COL5A2: variants seen among roughly 807,000 people sequenced by gnomAD.
COL5A2 encodes the protein collagen type V alpha 2 chain, also known as collagen alpha-2(V) chain.
In COL5A2, 23 loss-of-function variants were observed where a neutral mutation model predicts 208.2. The ratio of observed to expected loss-of-function variants is 0.11; its 90% CI spans 0.08 to 0.16. COL5A2 has a LOEUF of 0.16. Among genes scored for constraint, COL5A2 ranks in the 10% least tolerant of loss-of-function variants. The pLI is 1.00. For missense variants in COL5A2, 1,590 were observed against 1,956.4 expected (o/e 0.81, Z 3.53); for synonymous variants, 625 against 628.5 (o/e 0.99, Z 0.08).
At chr2:189,366,117 T>G in the COL5A2 span, among the ~76,000 whole-genome samples, 2 of 152,152 alleles carry the variant, frequency 1.3e-5, no homozygotes, top group Non-Finnish European at 2.9e-5. Context: ...AGATCTTGTA[T>G]AGCACCATCA....
chr2:189,229,856 AC>A (rs1689459159), upstream of COL5A2, among the ~76,000 whole-genome samples: 1 of 151,768 alleles, frequency 6.6e-6, no homozygotes, highest in Non-Finnish European at 1.5e-5. Context: ...AGCCACAAAG[AC>A]CCCAACTGGC....
chr2:189,317,046 A>G, the COL5A2 span, among the ~76,000 whole-genome samples: 1 of 152,080 alleles, frequency 6.6e-6, no homozygotes, highest in Non-Finnish European at 1.5e-5. Context: ...TTAACAAGAA[A>G]ATAAAAGCGT....
At position 189,035,170 on chromosome 2, in the gene COL5A2, A is replaced by G; in HGVS notation, c.4114-15T>C. ...CCATAAGCGAACTAGAAAAACAAAG[A>G]GTCTTTGTCATACACAAGACTGAAG... On this transcript the variant is annotated splice_polypyrimidine_tract_variant and intron_variant, in intron 52 of 53. Transcript: ENST00000374866. 6.2e-7 allele frequency: 1 copy of G among 1,613,792 alleles called. No homozygotes were observed. Among genetic ancestry groups the G allele is most frequent in the Non-Finnish European group, 8.5e-7 (1 of 1,179,780 alleles).
chr2:189,350,956 T>C, the COL5A2 span, among the ~76,000 whole-genome samples: 7 of 152,332 alleles, frequency 4.6e-5, no homozygotes, highest in African/African-American at 1.4e-4. Flanking sequence ...CTTTCTGTGA[T>C]GTCTCAGAAA....
the COL5A2 span, among the ~76,000 whole-genome samples, chr2:189,414,905 C>T: frequency 2.0e-5 from 3 of 151,984 alleles, no homozygotes; most frequent in Admixed American, 6.5e-5. Flanking sequence ...TCATAGGCAG[C>T]GCTTCCTCCA....
chr2:189,392,280 T>C, the COL5A2 span, among the ~76,000 whole-genome samples: 1 of 152,126 alleles, frequency 6.6e-6, no homozygotes, highest in African/African-American at 2.4e-5. Context: ...TAATAGATTT[T>C]GGACTCAACC....
the COL5A2 span, among the ~76,000 whole-genome samples, chr2:189,378,329 A>AT: frequency 8.5e-5 from 13 of 152,244 alleles, no homozygotes; most frequent in African/African-American, 3.1e-4. Flanking sequence ...TTGTAAGAGC[A>AT]ACATAGATGC....
Position 189,072,044 on chromosome 2 carries a change from A to G in COL5A2, c.1154T>C (p.Met385Thr). The change falls in exon 18 of 54, where the codon ATG becomes ACG. Residue 385 changes from methionine (M) to threonine (T), a missense_variant. By Grantham distance (81) the Met-to-Thr change is moderately conservative. Transcript: ENST00000374866. ...ATATTAACATTAACATCTTACCTTC[A>G]TTCCAGGATTTCCTGGAAAACCAGA... ...GSSGFPGNPGMKGEAGPTGAR... is the reference protein window; with the variant it reads ...GSSGFPGNPGTKGEAGPTGAR... 6.3e-7 allele frequency: 1 copy of G among 1,599,988 alleles called. No individual in the cohort carries two copies. Among genetic ancestry groups the G allele is most frequent in the Non-Finnish European group, 8.6e-7 (1 of 1,169,040 alleles).
intron 1 of COL5A2, among the ~76,000 whole-genome samples, chr2:189,135,607 T>C (rs142924032): frequency 2.0e-4 from 31 of 152,312 alleles, no homozygotes; most frequent in African/African-American, 7.2e-4. Context: ...TGGCTTCAAG[T>C]AGTTGCAAAC....
chr2:189,390,250 G>C, the COL5A2 span, among the ~76,000 whole-genome samples: 1 of 152,112 alleles, frequency 6.6e-6, no homozygotes, highest in South Asian at 2.1e-4. Context: ...CATATGCCCA[G>C]ATGGTTTGGT....
the COL5A2 span, among the ~76,000 whole-genome samples, chr2:189,400,615 C>T: frequency 0.035 from 5,328 of 152,100 alleles, 109 homozygotes; most frequent in Admixed American, 0.05. Context: ...TTTTCTTTAA[C>T]TTCAAAGAGT....
At chr2:189,340,903 T>C in the COL5A2 span, among the ~76,000 whole-genome samples, 1 of 152,146 alleles carries the variant, frequency 6.6e-6, no homozygotes, top group African/African-American at 2.4e-5. Flanking sequence ...AAACATTTGA[T>C]CAAAACAGAA....
intron 1 of COL5A2, among the ~76,000 whole-genome samples, chr2:189,123,090 G>A (rs555586897): frequency 4.6e-5 from 7 of 152,102 alleles, no homozygotes; most frequent in East Asian, 1.9e-4. Flanking sequence ...TCAACCTCCC[G>A]AGTAGCTGGG....
intron 10 of COL5A2, among the ~76,000 whole-genome samples, chr2:189,085,500 T>A (rs983229425): frequency 6.6e-6 from 1 of 152,192 alleles, no homozygotes; most frequent in Non-Finnish European, 1.5e-5. Flanking sequence ...ATTTTTAAAT[T>A]TAAATTTAAA....
the COL5A2 span, among the ~76,000 whole-genome samples, chr2:189,424,977 CAA>C: frequency 1.3e-5 from 2 of 152,134 alleles, no homozygotes; most frequent in African/African-American, 4.8e-5. Flanking sequence ...GCCAATGGAA[CAA>C]AATAGCCCAG....
rs1027640428 is a variant in COL5A2, at chr2:189,080,973, C to T, written c.906+17G>A. On this transcript the variant is annotated intron_variant, in intron 13 of 53. Transcript: ENST00000374866. ...TAAACCACAGTATCTGAGAGGATTA[C>T]AATAGATTGAACTTACTCGGTGACC... The T allele has an allele frequency of 6.2e-7, 1 of 1,607,798 alleles. No homozygotes were observed. Among genetic ancestry groups the T allele is most frequent in the Non-Finnish European group, 8.5e-7 (1 of 1,174,540 alleles).
chr2:189,198,276 T>C (rs1318915711), intron 1 of COL5A2, among the ~76,000 whole-genome samples: 3 of 152,198 alleles, frequency 2.0e-5, no homozygotes, highest in Non-Finnish European at 4.4e-5. Context: ...ATTATAAAGA[T>C]AAGTAATGCG....
At chr2:189,420,957 TTAAA>T in the COL5A2 span, among the ~76,000 whole-genome samples, 1,157 of 152,314 alleles carry the variant, frequency 7.6e-3, 16 homozygotes, top group African/African-American at 0.027. Context: ...TGTCTTTAAT[TTAAA>T]TATATTTGAA....
At chr2:189,433,559 T>C in the COL5A2 span, among the ~76,000 whole-genome samples, 1 of 152,092 alleles carries the variant, frequency 6.6e-6, no homozygotes, top group African/African-American at 2.4e-5. Context: ...AACAACTCTA[T>C]GCAAATAAAC....
Sources: allele counts gnomAD v4.1 joint callset (sites outside exome capture counted in the v4.1 genomes callset), GRCh38; gene constraint gnomAD v4.1.1; transcripts MANE v1.5; gene names NCBI Gene and HGNC (gene_info 2026-07-23, HGNC 2026-07-21).